Variants in BEND6 observed in about 807,000 individuals in gnomAD.
The protein encoded by BEND6 is BEN domain-containing protein 6.
BEND6 carries 24 observed loss-of-function variants against 31.8 expected under a neutral mutation model. The observed-to-expected ratio is 0.75, with a 90% CI of 0.55 to 1.06. BEND6 has a LOEUF of 1.06. BEND6 is among the 50% of genes least tolerant of loss of function. BEND6 has a pLI of 0.00. For synonymous variants in BEND6, 109 were observed against 114.6 expected (o/e 0.95, Z 0.31); for missense variants, 294 against 327.4 (o/e 0.90, Z 0.79).
intron 2 of BEND6, among the ~76,000 whole-genome samples, chr6:56,982,844 C>A (rs1826118902): frequency 6.6e-6 from 1 of 152,072 alleles, no homozygotes; most frequent in Non-Finnish European, 1.5e-5. Context: ...AATATACATT[C>A]TTATCCCTGT....
chr6:56,962,797 G>A (rs1479891649), intron 1 of BEND6, among the ~76,000 whole-genome samples: 1 of 152,254 alleles, frequency 6.6e-6, no homozygotes, highest in Non-Finnish European at 1.5e-5. Context: ...GAGTTGATTG[G>A]TATGATCATT....
intron 3 of BEND6, among the ~76,000 whole-genome samples, chr6:57,001,692 A>G (rs1322129769): frequency 6.6e-6 from 1 of 152,240 alleles, no homozygotes; most frequent in Non-Finnish European, 1.5e-5. Flanking sequence ...AGCAAGTGCT[A>G]AGAGAATGAG....
At chr6:56,968,441 C>T (rs1825569046) in intron 1 of BEND6, among the ~76,000 whole-genome samples, 1 of 151,050 alleles carries the variant, frequency 6.6e-6, no homozygotes, top group South Asian at 2.1e-4. Context: ...CCACCTCAGC[C>T]TCCCCAGTAG....
At chr6:56,966,761 T>C (rs1825494566) in intron 1 of BEND6, among the ~76,000 whole-genome samples, 1 of 152,076 alleles carries the variant, frequency 6.6e-6, no homozygotes, top group Non-Finnish European at 1.5e-5. Flanking sequence ...AAAGGCTGGG[T>C]CATTTAGCAC....
In BEND6 at chr6:57,022,358, G is replaced by A. The variant is rs146882092; in HGVS notation, c.*10-3724G>A. Among the ~76,000 whole-genome samples the A allele has an allele frequency of 5.8e-3, 876 of 151,616 alleles. 5 individuals are homozygous for A. The highest frequency in any genetic ancestry group is 0.017 in the Middle Eastern group (5 of 292). ...TTTCTTCATGGTTCAATCTTGCTAG[G>A]TTGTATGTGTCCAGGAATTTAACCA... is the stretch of plus-strand genomic sequence containing the variant. On this transcript the variant is annotated intron_variant, in intron 6 of 6. Transcript: ENST00000370746.
chr6:57,017,013 A>G (rs1340416017), intron 4 of BEND6, among the ~76,000 whole-genome samples, 194 bp from the exon 5 acceptor site: 1 of 152,008 alleles, frequency 6.6e-6, no homozygotes, highest in African/African-American at 2.4e-5. Flanking sequence ...TCACAAAGAT[A>G]ACATTTAAAT....
At chr6:56,955,886 C>T (rs912962272) in intron 1 of BEND6, among the ~76,000 whole-genome samples, 3 of 152,228 alleles carry the variant, frequency 2.0e-5, no homozygotes, top group African/African-American at 7.2e-5. Flanking sequence ...TGTCCCCTCC[C>T]CACGTTTCTT....
intron 3 of BEND6, among the ~76,000 whole-genome samples, chr6:56,999,658 C>T (rs1826852382): frequency 6.6e-6 from 1 of 152,222 alleles, no homozygotes; most frequent in Non-Finnish European, 1.5e-5. Context: ...CCTTCCCCTG[C>T]AGCTAAGCAG....
intron 1 of BEND6, among the ~76,000 whole-genome samples, chr6:56,979,728 T>A (rs1487494331): frequency 6.6e-6 from 1 of 152,244 alleles, no homozygotes; most frequent in Non-Finnish European, 1.5e-5. Flanking sequence ...TCTCTCTTGC[T>A]ATGTAAATAC....
chr6:56,967,179 C>G (rs1389129807), intron 1 of BEND6, among the ~76,000 whole-genome samples: 1 of 152,110 alleles, frequency 6.6e-6, no homozygotes, highest in Non-Finnish European at 1.5e-5. Context: ...CATGTTGTAT[C>G]AGTCAGAGTT....
intron 1 of BEND6, among the ~76,000 whole-genome samples, chr6:56,962,336 T>A (rs575187924): frequency 6.6e-6 from 1 of 152,330 alleles, no homozygotes; most frequent in South Asian, 2.1e-4. Context: ...ACCACCATAT[T>A]TCCAGGATAC....
chr6:57,004,761 C>T, intron 3 of BEND6: 1 of 1,077,932 alleles, frequency 9.3e-7, no homozygotes, highest in Non-Finnish European at 1.4e-6. Flanking sequence ...AGACACATCA[C>T]CTGAATGAGC....
chr6:56,980,899 C>A (rs1278455125), intron 1 of BEND6, among the ~76,000 whole-genome samples: 1 of 152,088 alleles, frequency 6.6e-6, no homozygotes, highest in Non-Finnish European at 1.5e-5. Context: ...AGTAAGGATG[C>A]TAAGACTTAA....
intron 1 of BEND6, among the ~76,000 whole-genome samples, chr6:56,962,885 G>C (rs2127838362): frequency 6.6e-6 from 1 of 152,306 alleles, no homozygotes; most frequent in African/African-American, 2.4e-5. Context: ...CTACCTTGAT[G>C]TGGACCACCT....
intron 3 of BEND6, among the ~76,000 whole-genome samples, chr6:57,012,719 G>A (rs9396252): frequency 0.062 from 9,209 of 149,130 alleles, 401 homozygotes; most frequent in East Asian, 0.18. Flanking sequence ...TTATGTAAAA[G>A]AAAATACATT....
At chr6:57,006,178 A>G (rs559000089) in intron 3 of BEND6, among the ~76,000 whole-genome samples, 1 of 152,342 alleles carries the variant, frequency 6.6e-6, no homozygotes, top group South Asian at 2.1e-4. Context: ...CTAAAATGGA[A>G]ATAATAAATG....
chr6:56,960,365 C>T (rs1825246357), intron 1 of BEND6, among the ~76,000 whole-genome samples: 1 of 152,016 alleles, frequency 6.6e-6, no homozygotes, highest in Non-Finnish European at 1.5e-5. Flanking sequence ...CTTCTAGATC[C>T]AAGATGAAAT....
intron 1 of BEND6, among the ~76,000 whole-genome samples, chr6:56,977,580 G>A (rs1825924502): frequency 6.6e-6 from 1 of 152,178 alleles, no homozygotes; most frequent in African/African-American, 2.4e-5. Flanking sequence ...GTGCTTTGCA[G>A]AAAATAGTTG....
rs368001280 is a variant in BEND6 at position 57,015,180 on chromosome 6, G to A, written c.346G>A (p.Glu116Lys). ...GTTTGAAGAATTGGTTGGTATGGCCGAGGCTCTGCTTAAGGGTGGGGGAAC... is the reference window on the plus strand; with the variant it reads ...GTTTGAAGAATTGGTTGGTATGGCCAAGGCTCTGCTTAAGGGTGGGGGAAC... ...TQFEELVGMA[E>K]ALLKGGGTMS... The change falls in exon 4 of 7, where the codon GAG becomes AAG. Residue 116 changes from glutamate (E) to lysine (K), a missense_variant. Transcript: ENST00000370746. 30 of 1,613,962 alleles carry A rather than the reference G, an allele frequency of 1.9e-5. No individual in the cohort carries two copies. Among genetic ancestry groups the A allele is most frequent in the Admixed American group, 1.3e-4 (8 of 59,990 alleles).
Sources: allele counts gnomAD v4.1 joint callset (sites outside exome capture counted in the v4.1 genomes callset), GRCh38; gene constraint gnomAD v4.1.1; transcripts MANE v1.5; gene names NCBI Gene and HGNC (gene_info 2026-07-23, HGNC 2026-07-21).